The following TTC27 variants were observed in gnomAD, a reference collection of about 807,000 sequenced individuals.
TTC27 encodes the protein tetratricopeptide repeat domain 27.
In TTC27, 79 loss-of-function variants were observed where a neutral mutation model predicts 115.9. That is an observed-to-expected ratio of 0.68 (90% CI 0.57 to 0.82). The LOEUF (loss-of-function observed/expected upper bound fraction) is 0.82, where lower values mean the gene tolerates loss of function less well. TTC27 is among the 40% of genes least tolerant of loss of function. TTC27 has a pLI of 0.00. For synonymous variants in TTC27, 401 were observed against 356.0 expected (o/e 1.13, Z -1.42); for missense variants, 1,054 against 993.1 (o/e 1.06, Z -0.82).
At chr2:32,685,172 G>A (rs1666588455) in intron 9 of TTC27, among the ~76,000 whole-genome samples, 1 of 151,870 alleles carries the variant, frequency 6.6e-6, no homozygotes, top group Non-Finnish European at 1.5e-5. Flanking sequence ...TGGGATTACA[G>A]GCACGCACCA....
At chr2:32,670,915 G>A (rs1293261434) in intron 7 of TTC27, among the ~76,000 whole-genome samples, 1 of 148,902 alleles carries the variant, frequency 6.7e-6, no homozygotes. Flanking sequence ...CACCATGCCT[G>A]GCCTCTCTTG....
intron 17 of TTC27, 104 bp from the exon 18 acceptor site, chr2:32,812,400 C>A: frequency 4.9e-6 from 4 of 823,692 alleles, no homozygotes; most frequent in Non-Finnish European, 6.1e-6. Flanking sequence ...AACACAGATG[C>A]TGCTTTTTCA....
intron 2 of TTC27, among the ~76,000 whole-genome samples, chr2:32,633,017 A>G (rs1262882003): frequency 6.6e-6 from 1 of 152,242 alleles, no homozygotes; most frequent in African/African-American, 2.4e-5. Context: ...TTTCACTAAA[A>G]TATCTATATG....
intron 13 of TTC27, among the ~76,000 whole-genome samples, chr2:32,769,602 G>A (rs1243125799): frequency 6.6e-6 from 1 of 152,092 alleles, no homozygotes; most frequent in African/African-American, 2.4e-5. Flanking sequence ...TGTAAGGAGA[G>A]AGGGGAGATA....
intron 2 of TTC27, 146 bp from the exon 3 acceptor site, chr2:32,633,730 A>ATT: frequency 5.3e-5 from 43 of 810,306 alleles, no homozygotes; most frequent in Non-Finnish European, 6.0e-5. Flanking sequence ...AGTTTTAGAA[A>ATT]TTTTTTTTTT....
chr2:32,660,756 G>A (rs1229242111), intron 5 of TTC27, among the ~76,000 whole-genome samples: 1 of 152,152 alleles, frequency 6.6e-6, no homozygotes, highest in Non-Finnish European at 1.5e-5. Context: ...TTGCTATACA[G>A]AAGCTCTTTA....
Position 32,790,178 on chromosome 2 carries a change from A to G in TTC27, c.1998+3029A>G, listed in dbSNP as rs1345023459. On this transcript the variant is annotated intron_variant, in intron 16 of 19. Transcript: ENST00000317907. Reference sequence around the variant, plus strand: ...CTCCTGTAATCATGGGGAATTTTCAATATAGCAAAATTGTGTTCTGATTCC... The same window carrying G: ...CTCCTGTAATCATGGGGAATTTTCAGTATAGCAAAATTGTGTTCTGATTCC... 3.3e-5 allele frequency among the ~76,000 whole-genome samples: 5 copies of G among 152,140 alleles called. No homozygotes were observed. The East Asian group carries it at 7.7e-4, about 23-fold the overall frequency.
chr2:32,669,489 A>G (rs577721352), intron 7 of TTC27, among the ~76,000 whole-genome samples: 1 of 152,336 alleles, frequency 6.6e-6, no homozygotes, highest in South Asian at 2.1e-4. Flanking sequence ...ACACATTATT[A>G]GATTGTAATA....
At chr2:32,671,339 CACTT>C (rs771184186) in intron 7 of TTC27, among the ~76,000 whole-genome samples, 19 of 151,440 alleles carry the variant, frequency 1.3e-4, no homozygotes, top group Non-Finnish European at 2.1e-4. Flanking sequence ...ATCATTCATT[CACTT>C]ACTTATTTTT....
chr2:32,681,665 T>TA (rs397758776), intron 9 of TTC27, among the ~76,000 whole-genome samples: 7 of 151,480 alleles, frequency 4.6e-5, no homozygotes, highest in South Asian at 2.1e-4. Flanking sequence ...TTTTTTTTTT[T>TA]ATAAAATAGG....
intron 2 of TTC27, among the ~76,000 whole-genome samples, chr2:32,630,916 G>C (rs757749477): frequency 7.9e-5 from 12 of 152,300 alleles, no homozygotes; most frequent in Non-Finnish European, 1.8e-4. Context: ...TCATATATGA[G>C]ACTGGCACAT....
intron 10 of TTC27, among the ~76,000 whole-genome samples, chr2:32,717,015 T>C (rs1572544021): frequency 1.3e-5 from 2 of 151,734 alleles, no homozygotes; most frequent in East Asian, 1.9e-4. Context: ...TTAATTTTTT[T>C]TTTTTTTTGA....
chr2:32,801,410 A>G (rs1670930133), intron 16 of TTC27, among the ~76,000 whole-genome samples: 1 of 152,036 alleles, frequency 6.6e-6, no homozygotes, highest in Non-Finnish European at 1.5e-5. Flanking sequence ...GTGGCACCCT[A>G]ACTCCAATCA....
At chr2:32,680,137 C>T (rs548182612) in intron 9 of TTC27, among the ~76,000 whole-genome samples, 4 of 152,120 alleles carry the variant, frequency 2.6e-5, no homozygotes, top group African/African-American at 7.2e-5. Flanking sequence ...TTTTATTTTC[C>T]CACTTCAGTA....
At chr2:32,658,687 T>C (rs1403615165) in intron 5 of TTC27, among the ~76,000 whole-genome samples, 1 of 152,190 alleles carries the variant, frequency 6.6e-6, no homozygotes, top group Non-Finnish European at 1.5e-5. Flanking sequence ...GTCAGTGATA[T>C]TATAGAAGGG....
At position 32,733,878 on chromosome 2, in the gene TTC27, G is replaced by T; in HGVS notation, c.1284G>T (p.Leu428=). The T allele has an allele frequency of 6.2e-7, 1 of 1,612,434 alleles. No individual in the cohort carries two copies. The highest frequency in any genetic ancestry group is 1.3e-5 in the African/African-American group (1 of 74,996). The change falls in exon 11 of 20, where the codon CTG becomes CTT. Residue 428 remains leucine (L), a synonymous_variant. Coordinates refer to ENST00000317907, the MANE Select transcript of TTC27 (RefSeq NM_017735.5). The part of the protein sequence containing the change: ...EDKTTSVLER[L]KIFYCCQVPP... ...AAACTACATCTGTATTGGAACGCCTGAAGATTTTCTATTGCTGTCAAGTAC... is the reference window on the plus strand; with the variant it reads ...AAACTACATCTGTATTGGAACGCCTTAAGATTTTCTATTGCTGTCAAGTAC...
At chr2:32,689,416 A>G (rs1666741018) in intron 9 of TTC27, among the ~76,000 whole-genome samples, 1 of 152,176 alleles carries the variant, frequency 6.6e-6, no homozygotes, top group Non-Finnish European at 1.5e-5. Context: ...TGATTATTCT[A>G]TGCCACCAGT....
chr2:32,813,922 T>C (rs1437682176), intron 18 of TTC27, among the ~76,000 whole-genome samples: 1 of 152,090 alleles, frequency 6.6e-6, no homozygotes, highest in Non-Finnish European at 1.5e-5. Flanking sequence ...AGAAGGATGT[T>C]TTGGGGGTGG....
chr2:32,791,693 G>A (rs1163801958), intron 16 of TTC27, among the ~76,000 whole-genome samples: 4 of 151,948 alleles, frequency 2.6e-5, no homozygotes, highest in African/African-American at 9.7e-5. Flanking sequence ...CCTAACAAAG[G>A]TTTTTAAAAA....
Sources: gnomAD v4.1 joint callset for allele counts (sites outside exome capture counted in the v4.1 genomes callset) on GRCh38, gnomAD v4.1.1 for gene constraint, MANE v1.5 for transcripts, NCBI Gene and HGNC (gene_info 2026-07-23, HGNC 2026-07-21) for gene names.